Variants in NUMB observed in about 807,000 individuals in gnomAD.
NUMB encodes protein numb homolog.
NUMB carries 29 observed loss-of-function variants against 59.7 expected under a neutral mutation model. The observed-to-expected ratio is 0.49, with a 90% CI of 0.36 to 0.66. The LOEUF (loss-of-function observed/expected upper bound fraction) is 0.66, where lower values mean the gene tolerates loss of function less well. Among genes scored for constraint, NUMB ranks in the 30% least tolerant of loss-of-function variants. The probability of loss-of-function intolerance (pLI) is 0.00; values close to 1 mark genes in which losing one functional copy is unlikely to be tolerated. For missense variants in NUMB, 723 were observed against 822.0 expected, an observed-to-expected ratio of 0.88 and a Z score of 1.47; for synonymous variants, 288 against 288.2, an observed-to-expected ratio of 1.00 and a Z score of 0.01.
At chr14:73,453,670 C>T (rs1395244914) in intron 1 of NUMB, among the ~76,000 whole-genome samples, 4 of 147,580 alleles carry the variant, frequency 2.7e-5, no homozygotes, top group East Asian at 2.0e-4. Flanking sequence ...TGCAGTGGCG[C>T]GATCTCAGCT....
chr14:73,288,910 G>A (rs1298239401), intron 8 of NUMB, among the ~76,000 whole-genome samples: 2 of 151,890 alleles, frequency 1.3e-5, no homozygotes, highest in African/African-American at 4.8e-5. Flanking sequence ...AGTCGAGTGT[G>A]GTGGTGGTGT....
intron 6 of NUMB, among the ~76,000 whole-genome samples, chr14:73,303,005 G>A (rs1890235514): frequency 1.3e-5 from 2 of 151,748 alleles, no homozygotes; most frequent in South Asian, 2.1e-4. Flanking sequence ...ATCACCTGAC[G>A]TCAGGAGTTC....
intron 3 of NUMB, among the ~76,000 whole-genome samples, chr14:73,362,190 G>T (rs1247909406): frequency 6.6e-6 from 1 of 152,052 alleles, no homozygotes; most frequent in Non-Finnish European, 1.5e-5. Context: ...CAAGGAGGAA[G>T]AGGCTACAGT....
At position 73,430,093 on chromosome 14, in the gene NUMB, T is replaced by C. The variant is rs901689241; in HGVS notation, c.-232-20025A>G. ...TGAAACTGTGGACCATTCTGGTAAATGTACATTTAATTATATATTTTATAT... is the reference window on the plus strand; with the variant it reads ...TGAAACTGTGGACCATTCTGGTAAACGTACATTTAATTATATATTTTATAT... On this transcript the variant is annotated intron_variant, in intron 1 of 12. Transcript: ENST00000555238. Among the ~76,000 whole-genome samples, 42 of 151,800 alleles carry C rather than the reference T, an allele frequency of 2.8e-4. 1 individual carries two copies. In the South Asian group the frequency reaches 7.9e-3, roughly 28 times the overall value.
chr14:73,398,215 G>C (rs967060490), intron 2 of NUMB, among the ~76,000 whole-genome samples: 1 of 151,926 alleles, frequency 6.6e-6, no homozygotes, highest in Non-Finnish European at 1.5e-5. Flanking sequence ...CACAATAGAA[G>C]ATTAAATAAT....
Position 73,310,889 on chromosome 14 carries a change from A to G in NUMB, c.234+5501T>C, listed in dbSNP as rs116846545. Among the ~76,000 whole-genome samples the G allele has an allele frequency of 4.6e-3, 701 of 152,300 alleles. 4 individuals carry two copies. Among genetic ancestry groups the G allele is most frequent in the South Asian group, 0.03 (144 of 4,828 alleles). On this transcript the variant is annotated intron_variant, in intron 6 of 12. Transcript: ENST00000555238. ...TTACTTAGTTCATAGGGTTCCTCAAATACATTAAAATTATAAAAACATTTT... is the reference window on the plus strand; with the variant it reads ...TTACTTAGTTCATAGGGTTCCTCAAGTACATTAAAATTATAAAAACATTTT...
At chr14:73,294,950 T>TTAAAAAAAAAAAAAAAAAAA (rs1419411157) in intron 7 of NUMB, among the ~76,000 whole-genome samples, 12 of 24,386 alleles carry the variant, frequency 4.9e-4, no homozygotes, top group South Asian at 4.1e-3. Flanking sequence ...AACCCATCTC[T>TTAAAAAAAAAAAAAAAAAAA]AAAAAAAAAA....
chr14:73,306,197 G>A (rs796497703), intron 6 of NUMB, among the ~76,000 whole-genome samples: 1 of 152,064 alleles, frequency 6.6e-6, no homozygotes, highest in African/African-American at 2.4e-5. Context: ...AAATGAGAGG[G>A]GCACTTAAAG....
At chr14:73,406,792 G>A (rs1371622559) in intron 2 of NUMB, among the ~76,000 whole-genome samples, 10 of 152,208 alleles carry the variant, frequency 6.6e-5, no homozygotes, top group Admixed American at 5.9e-4. Context: ...CATTCTAACT[G>A]GTGTGAGATG....
In NUMB at chr14:73,315,135, A is replaced by G. The variant is rs187934382; in HGVS notation, c.234+1255T>C. ...AAAATACTTCAAATTTGTTTACACT[A>G]GTATTAAGGTGACAAGTTAGAACAA... On this transcript the variant is annotated intron_variant, in intron 6 of 12. Coordinates refer to ENST00000555238, the MANE Select transcript of NUMB (RefSeq NM_001005743.2). Among the ~76,000 whole-genome samples the G allele has an allele frequency of 6.2e-3, 947 of 152,274 alleles. 34 individuals are homozygous for G. The highest frequency in any genetic ancestry group is 1.1e-3 in the Non-Finnish European group (78 of 68,002).
At chr14:73,311,305 C>A (rs557727127) in intron 6 of NUMB, among the ~76,000 whole-genome samples, 1 of 152,214 alleles carries the variant, frequency 6.6e-6, no homozygotes, top group African/African-American at 2.4e-5. Context: ...CCACCTGCCT[C>A]AGCCTCCCAA....
intron 1 of NUMB, among the ~76,000 whole-genome samples, chr14:73,446,357 C>G (rs1883504138): frequency 6.6e-6 from 1 of 151,940 alleles, no homozygotes; most frequent in South Asian, 2.1e-4. Context: ...CCTGTAATCC[C>G]AGCACTTTGG....
chr14:73,305,821 C>T (rs1295615089), intron 6 of NUMB, among the ~76,000 whole-genome samples: 1 of 151,126 alleles, frequency 6.6e-6, no homozygotes, highest in Non-Finnish European at 1.5e-5. Context: ...TCAGTCTTTC[C>T]GTCACATCTA....
intron 6 of NUMB, among the ~76,000 whole-genome samples, chr14:73,303,773 A>G (rs1487921079): frequency 9.2e-6 from 1 of 108,274 alleles, no homozygotes; most frequent in East Asian, 2.8e-4. Flanking sequence ...AAGTTTCACA[A>G]TAAAGACAAA....
At chr14:73,357,941 A>T (rs551144815) in intron 3 of NUMB, among the ~76,000 whole-genome samples, 1 of 147,674 alleles carries the variant, frequency 6.8e-6, no homozygotes, top group South Asian at 2.3e-4. Context: ...CCCTGTTATG[A>T]TTCCTTTCTT....
chr14:73,352,869 TCTAA>T (rs1404956151), intron 4 of NUMB, among the ~76,000 whole-genome samples: 13 of 150,812 alleles, frequency 8.6e-5, no homozygotes, highest in Non-Finnish European at 1.9e-4. Flanking sequence ...AATGCAAATA[TCTAA>T]CTAAAGTCTG....
chr14:73,360,312 T>C (rs1321395960), intron 3 of NUMB, among the ~76,000 whole-genome samples: 2 of 152,002 alleles, frequency 1.3e-5, no homozygotes, highest in African/African-American at 2.4e-5. Context: ...TCCCAACAAT[T>C]TGGGAGGCCG....
At chr14:73,323,286 T>C in intron 4 of NUMB, 82 bp from the exon 5 acceptor site, 2 of 937,230 alleles carry the variant, frequency 2.1e-6, no homozygotes, top group East Asian at 5.2e-5. Context: ...GAAAATTGAA[T>C]ACAGGTTGAA....
chr14:73,454,410 A>G (rs549014247), intron 1 of NUMB, among the ~76,000 whole-genome samples: 192 of 152,296 alleles, frequency 1.3e-3, no homozygotes, highest in African/African-American at 4.3e-3. Context: ...AAGCAAACTA[A>G]AAAACTAGAT....
Sources: gnomAD v4.1 joint callset for allele counts (sites outside exome capture counted in the v4.1 genomes callset) on GRCh38, gnomAD v4.1.1 for gene constraint, MANE v1.5 for transcripts, NCBI Gene and HGNC (gene_info 2026-07-23, HGNC 2026-07-21) for gene names.